Variants in NDUFAF6 observed in about 807,000 individuals in gnomAD.
NDUFAF6 encodes NADH:ubiquinone oxidoreductase complex assembly factor 6, also known as NADH dehydrogenase (ubiquinone) complex I, assembly factor 6.
In NDUFAF6, 45 loss-of-function variants were observed where a neutral mutation model predicts 40.8. The ratio of observed to expected loss-of-function variants is 1.10; its 90% CI spans 0.87 to 1.42. NDUFAF6 has a LOEUF of 1.42. NDUFAF6 is among the 40% of genes most tolerant of loss of function. The pLI, the probability that NDUFAF6 is intolerant of heterozygous loss-of-function variation, is 0.00. For synonymous variants in NDUFAF6, 185 were observed against 155.9 expected, an observed-to-expected ratio of 1.19 and a Z score of -1.39; for missense variants, 435 against 418.5, an observed-to-expected ratio of 1.04 and a Z score of -0.34.
intron 2 of NDUFAF6, among the ~76,000 whole-genome samples, chr8:95,033,213 A>C (rs2599716): frequency 0.9 from 137,054 of 152,104 alleles, 62,103 homozygotes; most frequent in East Asian, 1. Flanking sequence ...GCTAATTAAA[A>C]ACAATTTTTT....
rs1311500431 is a variant in NDUFAF6, at chr8:95,035,629, C to G, written c.420+53C>G. The G allele has an allele frequency of 1.9e-6, 3 of 1,538,612 alleles. No homozygotes were observed. In the East Asian group the frequency reaches 6.8e-5, roughly 35 times the overall value. ...TTTGTATGAATATTATTCGAGTCTA[C>G]TTTTTGATGGATATAATTTGGGTAC... On this transcript the variant is annotated intron_variant, in intron 3 of 8. Coordinates refer to ENST00000396124, the MANE Select transcript of NDUFAF6 (RefSeq NM_152416.4).
At chr8:95,005,112 G>T (rs1826903654) in intron 2 of NDUFAF6, among the ~76,000 whole-genome samples, 1 of 152,116 alleles carries the variant, frequency 6.6e-6, no homozygotes, top group African/African-American at 2.4e-5. Flanking sequence ...TTGAGTAAAT[G>T]ACTTGACACT....
intron 3 of NDUFAF6, among the ~76,000 whole-genome samples, chr8:95,040,168 C>T (rs1343250984): frequency 1.3e-5 from 2 of 151,958 alleles, no homozygotes; most frequent in Admixed American, 6.6e-5. Context: ...TGAAGAGTAT[C>T]CCCCCGACCT....
intron 4 of NDUFAF6, among the ~76,000 whole-genome samples, chr8:95,043,897 C>A (rs1170364792): frequency 6.6e-6 from 1 of 151,818 alleles, no homozygotes; most frequent in Admixed American, 6.6e-5. Context: ...AGGTTTATAC[C>A]CAAGATAAAT....
At chr8:94,900,627 G>T (rs1817953543) in intron 1 of NDUFAF6, among the ~76,000 whole-genome samples, 1 of 152,206 alleles carries the variant, frequency 6.6e-6, no homozygotes, top group Non-Finnish European at 1.5e-5. Flanking sequence ...CTGGGAGGTT[G>T]GAGTAGGCGG....
intron 2 of NDUFAF6, among the ~76,000 whole-genome samples, chr8:94,985,476 TA>T (rs1825745225): frequency 1.2e-3 from 2 of 1,634 alleles, no homozygotes; most frequent in East Asian, 4.6e-3. Context: ...ATTATATATA[TA>T]TATATATATA....
At chr8:95,118,390 C>A (rs1223610133), downstream of NDUFAF6, among the ~76,000 whole-genome samples, 3 of 152,158 alleles carry the variant, frequency 2.0e-5, no homozygotes, top group Non-Finnish European at 4.4e-5. Context: ...CAATGAGTAG[C>A]ATATGTCACA....
chr8:95,082,070 A>C (rs4999422), intron 2 of NDUFAF6, among the ~76,000 whole-genome samples: 114,096 of 151,794 alleles, frequency 0.75, 43,237 homozygotes, highest in East Asian at 0.88. Context: ...TCTCAAAAAA[A>C]AACAACAAAA....
Position 95,025,193 on chromosome 8 carries a change from T to C in NDUFAF6, c.185T>C (p.Leu62Pro). The C allele has an allele frequency of 6.9e-7, 1 of 1,450,396 alleles. No individual in the cohort carries two copies. The highest frequency in any genetic ancestry group is 9.0e-7 in the Non-Finnish European group (1 of 1,113,970). The allele number at this position is 1,450,396 out of a possible 1,614,324, so 89.8% of individuals were successfully genotyped here. A position where few individuals can be genotyped will look rare whatever the true frequency, so the allele number is the denominator to read the frequency against. The change falls in exon 1 of 9, where the codon CTG becomes CCG. Residue 62 changes from leucine to proline, a missense_variant. Coordinates refer to ENST00000396124, the MANE Select transcript of NDUFAF6 (RefSeq NM_152416.4). ...PGAWGTDHYC[L>P]ELLRKRDYEG... ...GCCTGGGGCACTGACCACTACTGCC[T>C]GGAGCTGCTGCGGTGAGCGAGCACG...
Position 94,902,956 on chromosome 8 carries a change from G to A in NDUFAF6, c.-936+7029G>A, listed in dbSNP as rs1460415062. 7.2e-5 allele frequency among the ~76,000 whole-genome samples: 11 copies of A among 152,086 alleles called. No individual in the cohort carries two copies. The East Asian group carries it at 2.1e-3, about 29-fold the overall frequency. On this transcript the variant is annotated intron_variant, in intron 1 of 14. Coordinates refer to the NDUFAF6 transcript ENST00000396113. ...TGACATCAGGTGATCCACCTGCCTC[G>A]GCCTCAAAGTGCTGGGATTACAGGC... is the stretch of plus-strand genomic sequence containing the variant.
chr8:95,067,588 C>A (rs946654373), intron 9 of NDUFAF6: 1 of 152,170 alleles, frequency 6.6e-6, no homozygotes, highest in Non-Finnish European at 1.5e-5. Context: ...TCTGTCCACA[C>A]GGAGGGGAGG....
chr8:95,025,534 TAGCC>T (rs565263947), intron 1 of NDUFAF6, among the ~76,000 whole-genome samples: 177 of 152,340 alleles, frequency 1.2e-3, no homozygotes, highest in African/African-American at 4.0e-3. Context: ...ACCACAACGG[TAGCC>T]AACTTTGAGT....
downstream of NDUFAF6, among the ~76,000 whole-genome samples, chr8:95,107,646 T>G (rs1315604804): frequency 6.6e-6 from 1 of 152,156 alleles, no homozygotes; most frequent in Non-Finnish European, 1.5e-5. Flanking sequence ...AAAGTGTTAC[T>G]CTGAAAAGGT....
At chr8:95,015,930 C>T (rs1267420620) in intron 2 of NDUFAF6, among the ~76,000 whole-genome samples, 4 of 151,930 alleles carry the variant, frequency 2.6e-5, no homozygotes, top group Non-Finnish European at 4.4e-5. Context: ...GGAAGAATAT[C>T]CCAGGCAGAG....
chr8:95,040,174 G>C (rs7013875), intron 3 of NDUFAF6, among the ~76,000 whole-genome samples: 4,688 of 151,914 alleles, frequency 0.031, 246 homozygotes, highest in African/African-American at 0.11. Flanking sequence ...GTATCCCCCC[G>C]ACCTCGTCTT....
chr8:95,039,689 G>T (rs1829945180), intron 3 of NDUFAF6, among the ~76,000 whole-genome samples: 2 of 151,826 alleles, frequency 1.3e-5, no homozygotes, highest in South Asian at 4.1e-4. Flanking sequence ...GTGCAGTGTG[G>T]TGATCATAGC....
chr8:95,041,576 A>C lies in NDUFAF6; in HGVS notation c.427A>C (p.Lys143Gln), dbSNP rs577894329. 16 of 1,608,834 alleles carry C rather than the reference A, an allele frequency of 9.9e-6. No homozygotes were observed. The South Asian group carries it at 1.8e-4, about 18-fold the overall frequency. The change falls in exon 4 of 9, where the codon AAA (lysine) becomes CAA (glutamine). Residue 143 changes from lysine to glutamine, a missense_variant. By Grantham distance (53) the Lys-to-Gln change is moderately conservative (BLOSUM62 1). Coordinates refer to ENST00000396124, the MANE Select transcript of NDUFAF6 (RefSeq NM_152416.4). ...PVAIELWKAV[K>Q]RHNLTKRWLM... is the part of the protein sequence containing the mutation. ...AATGCTCTTTGTTTTTTAGGCTGTT[A>C]AAAGACATAATCTGACTAAAAGATG... is the stretch of plus-strand genomic sequence containing the variant.
upstream of NDUFAF6, chr8:95,024,980 G>A (rs1049360027): frequency 3.8e-5 from 49 of 1,299,224 alleles, no homozygotes; most frequent in African/African-American, 7.4e-4. Flanking sequence ...CCGACGGCGG[G>A]GGGTCGAAGG....
upstream of NDUFAF6, chr8:95,024,868 C>A: frequency 2.8e-6 from 2 of 725,578 alleles, no homozygotes; most frequent in Non-Finnish European, 3.8e-6. Context: ...AGGACCACAG[C>A]GACACCTGGC....
Sources: allele counts gnomAD v4.1 joint callset (sites outside exome capture counted in the v4.1 genomes callset), GRCh38; gene constraint gnomAD v4.1.1; transcripts MANE v1.5; gene names NCBI Gene and HGNC (gene_info 2026-07-23, HGNC 2026-07-21).